WDR27: variants seen among roughly 807,000 people sequenced by gnomAD.
WDR27 encodes WD repeat-containing protein 27.
Under a neutral mutation model 114.4 loss-of-function variants are expected in WDR27, and 100 were observed. The ratio of observed to expected loss-of-function variants is 0.87; its 90% CI spans 0.74 to 1.03. The LOEUF (loss-of-function observed/expected upper bound fraction) is 1.03. WDR27 is among the 50% of genes least tolerant of loss of function. The pLI, the probability that WDR27 is intolerant of heterozygous loss-of-function variation, is 0.00. For missense variants in WDR27, 1,129 were observed against 1,092.9 expected, an observed-to-expected ratio of 1.03 and a Z score of -0.47; for synonymous variants, 449 against 423.1, an observed-to-expected ratio of 1.06 and a Z score of -0.75.
rs578229328 is a variant in WDR27 at position 169,577,043 on chromosome 6, A to C, written c.2524-4503T>G. On this transcript the variant is annotated intron_variant, in intron 24 of 25. Coordinates refer to ENST00000448612, the MANE Select transcript of WDR27 (RefSeq NM_182552.5). ...GTGAATGTAAACTGGCTTAATTGGT[A>C]GCAAGGAAGAAGGATCCTCTCAAAT... Among the ~76,000 whole-genome samples, 44 of 152,024 alleles carry C rather than the reference A, an allele frequency of 2.9e-4. No individual in the cohort carries two copies. The Middle Eastern group carries it at 0.02, about 71-fold the overall frequency.
At chr6:169,672,486 A>AT (rs1779006695) in intron 2 of WDR27, 90 bp from the exon 3 acceptor site, 1 of 1,308,052 alleles carries the variant, frequency 7.6e-7, no homozygotes, top group Middle Eastern at 2.4e-4. Flanking sequence ...AAATTAAAAG[A>AT]TTGAGTTTTT....
At chr6:169,450,643 G>A in the WDR27 span, among the ~76,000 whole-genome samples, 1 of 152,312 alleles carries the variant, frequency 6.6e-6, no homozygotes, top group East Asian at 1.9e-4. Context: ...ATCCAGGCAG[G>A]CCCCAGAGTA....
intron 25 of WDR27, among the ~76,000 whole-genome samples, chr6:169,489,443 G>A (rs535263125): frequency 3.4e-4 from 52 of 152,174 alleles, no homozygotes; most frequent in Non-Finnish European, 3.7e-4. Context: ...CACGCCCATC[G>A]CCCGCTGTGA....
intron 1 of WDR27, 105 bp from the exon 2 acceptor site, chr6:169,689,117 C>T: frequency 1.5e-6 from 1 of 647,030 alleles, no homozygotes; most frequent in Non-Finnish European, 2.4e-6. Flanking sequence ...ACACATATAC[C>T]ACATCATACC....
chr6:169,477,218 C>G (rs1787300535), intron 25 of WDR27, among the ~76,000 whole-genome samples: 1 of 152,176 alleles, frequency 6.6e-6, no homozygotes, highest in African/African-American at 2.4e-5. Context: ...TTTAAGAGCA[C>G]AGTTGAATTC....
chr6:169,531,914 T>G (rs920339975), intron 25 of WDR27, among the ~76,000 whole-genome samples: 1 of 152,170 alleles, frequency 6.6e-6, no homozygotes, highest in South Asian at 2.1e-4. Context: ...TTATTCTCCA[T>G]GTAGCTTTGT....
intron 14 of WDR27, among the ~76,000 whole-genome samples, chr6:169,651,536 C>T (rs73240729): frequency 0.035 from 5,375 of 152,040 alleles, 315 homozygotes; most frequent in African/African-American, 0.12. Context: ...ACTCTGTTAT[C>T]GTGCTCTGAT....
At chr6:169,699,213 A>G (rs149360497) in intron 1 of WDR27, among the ~76,000 whole-genome samples, 90 of 152,274 alleles carry the variant, frequency 5.9e-4, no homozygotes, top group Middle Eastern at 3.4e-3. Context: ...ACACGAAAAG[A>G]AAGTACGAAG....
chr6:169,678,545 AGGACTTG>A (rs940702776), intron 2 of WDR27, among the ~76,000 whole-genome samples: 3 of 152,310 alleles, frequency 2.0e-5, no homozygotes, highest in Admixed American at 1.3e-4. Context: ...CTTTGGACTT[AGGACTTG>A]GGACTTTTGA....
intron 21 of WDR27, among the ~76,000 whole-genome samples, chr6:169,617,200 G>A (rs368633193): frequency 2.0e-5 from 3 of 152,144 alleles, no homozygotes; most frequent in African/African-American, 7.2e-5. Context: ...AAGGAGAGCA[G>A]CCCTCTCTCT....
chr6:169,601,069 C>T (rs1188089302), intron 23 of WDR27, among the ~76,000 whole-genome samples: 1 of 152,144 alleles, frequency 6.6e-6, no homozygotes, highest in Non-Finnish European at 1.5e-5. Context: ...AGAGAAAGGT[C>T]GGGTTACCCA....
At chr6:169,509,574 C>T (rs1365695113) in intron 25 of WDR27, among the ~76,000 whole-genome samples, 2 of 151,510 alleles carry the variant, frequency 1.3e-5, no homozygotes, top group African/African-American at 4.9e-5. Context: ...ACTGGCTAGC[C>T]ATATGTAGAA....
chr6:169,551,877 G>A (rs556914958), intron 25 of WDR27, among the ~76,000 whole-genome samples: 36 of 152,210 alleles, frequency 2.4e-4, no homozygotes, highest in African/African-American at 7.9e-4. Flanking sequence ...TATTCTGAAC[G>A]CAGTCACAGT....
At chr6:169,602,186 C>G in intron 23 of WDR27, 33 bp downstream of exon 23, 2 of 1,469,610 alleles carry the variant, frequency 1.4e-6, no homozygotes, top group Non-Finnish European at 1.9e-6. Flanking sequence ...AGTCTAGACT[C>G]TCTACATTTA....
At position 169,634,765 on chromosome 6, in the gene WDR27, C is replaced by T. The variant is rs374532494; in HGVS notation, c.2004-240G>A. 2.6e-4 allele frequency among the ~76,000 whole-genome samples: 39 copies of T among 152,294 alleles called. 1 individual carries two copies. The East Asian group carries it at 6.4e-3, about 25-fold the overall frequency. On this transcript the variant is annotated intron_variant, in intron 19 of 25. Transcript: ENST00000448612. ...TTTTTGACATACAAAAGATCCCCCACGCCGTCCTCCTTCTTCAGCCTGTAA... is the reference window on the plus strand; with the variant it reads ...TTTTTGACATACAAAAGATCCCCCATGCCGTCCTCCTTCTTCAGCCTGTAA...
At chr6:169,469,409 T>A (rs991944732) in intron 25 of WDR27, among the ~76,000 whole-genome samples, 1 of 152,128 alleles carries the variant, frequency 6.6e-6, no homozygotes, top group African/African-American at 2.4e-5. Context: ...CAAGGCAAAC[T>A]CCATTTAATT....
At chr6:169,575,292 C>T (rs1802088905) in intron 24 of WDR27, among the ~76,000 whole-genome samples, 1 of 132,894 alleles carries the variant, frequency 7.5e-6, no homozygotes, top group African/African-American at 2.6e-5. Context: ...CTCCCTCCCT[C>T]CCTCTCTCCA....
rs151330104 is a variant in WDR27, at chr6:169,700,472, A to G, written c.-8+1079T>C. ...ACTACACTCCCTAGCTTCCCTTGCA[A>G]TTAAGTGCAGCCATGTAGTCGTTGA... On this transcript the variant is annotated intron_variant, in intron 1 of 25. Coordinates refer to ENST00000448612, the MANE Select transcript of WDR27 (RefSeq NM_182552.5). Among the ~76,000 whole-genome samples, 45 of 152,318 alleles carry G rather than the reference A, an allele frequency of 3.0e-4. No homozygotes were observed. In the East Asian group the frequency reaches 8.1e-3, roughly 27 times the overall value.
chr6:169,679,174 TTTGA>T (rs1398122730), intron 2 of WDR27, among the ~76,000 whole-genome samples: 2 of 152,198 alleles, frequency 1.3e-5, no homozygotes, highest in Non-Finnish European at 2.9e-5. Flanking sequence ...CTTAAGTGTA[TTTGA>T]TTGATGTCTC....
Sources: allele counts gnomAD v4.1 joint callset (sites outside exome capture counted in the v4.1 genomes callset), GRCh38; gene constraint gnomAD v4.1.1; transcripts MANE v1.5; gene names NCBI Gene and HGNC (gene_info 2026-07-23, HGNC 2026-07-21).